Variants in MFSD8 observed in about 807,000 individuals in gnomAD.
The protein encoded by MFSD8 is major facilitator superfamily domain containing 8, also known as major facilitator superfamily domain-containing protein 8.
In MFSD8, 55 loss-of-function variants were observed where a neutral mutation model predicts 66.4. The observed-to-expected ratio is 0.83, with a 90% CI of 0.67 to 1.04. The LOEUF (loss-of-function observed/expected upper bound fraction) is 1.04, where lower values mean the gene tolerates loss of function less well. Ranked by LOEUF, MFSD8 falls within the 50% of genes least tolerant of loss-of-function variation. MFSD8 has a pLI of 0.00. For missense variants in MFSD8, 550 were observed against 627.6 expected (o/e 0.88, Z 1.32); for synonymous variants, 202 against 212.8 (o/e 0.95, Z 0.44).
chr4:127,938,853 C>T lies in MFSD8; in HGVS notation c.699-15G>A, dbSNP rs1286977705. ...CACGATGTTCTCTTAAAAAGAAAAACACAAATATTGTACCTATAAAATGCT... is the reference window on the plus strand; with the variant it reads ...CACGATGTTCTCTTAAAAAGAAAAATACAAATATTGTACCTATAAAATGCT... On this transcript the variant is annotated splice_polypyrimidine_tract_variant and intron_variant, in intron 6 of 11. Coordinates refer to ENST00000641686, the MANE Select transcript of MFSD8 (RefSeq NM_001371596.2). The T allele has an allele frequency of 2.5e-6, 4 of 1,595,768 alleles. No individual in the cohort carries two copies. Among genetic ancestry groups the T allele is most frequent in the Non-Finnish European group, 3.4e-6 (4 of 1,165,862 alleles).
At chr4:127,937,615 T>C (rs903796247) in intron 7 of MFSD8, among the ~76,000 whole-genome samples, 1 of 152,268 alleles carries the variant, frequency 6.6e-6, no homozygotes, top group Non-Finnish European at 1.5e-5. Context: ...TTAAATTTGT[T>C]ACTGGCATTG....
chr4:127,944,012 G>A lies in MFSD8; in HGVS notation c.199-20C>T. On this transcript the variant is annotated intron_variant, in intron 3 of 11. Coordinates refer to ENST00000641686, the MANE Select transcript of MFSD8 (RefSeq NM_001371596.2). The stretch of plus-strand genomic sequence containing the variant: ...ATCAATCTGCAGAAAAAGGTACAGT[G>A]CTTTAAGAATTGTTATCCAAGAAAA... 6.2e-7 allele frequency: 1 copy of A among 1,613,950 alleles called. No individual in the cohort carries two copies. Among genetic ancestry groups the A allele is most frequent in the Non-Finnish European group, 8.5e-7 (1 of 1,179,976 alleles).
chr4:127,957,272 G>T (rs1166607984), intron 2 of MFSD8, among the ~76,000 whole-genome samples: 1 of 152,114 alleles, frequency 6.6e-6, no homozygotes, highest in Non-Finnish European at 1.5e-5. Flanking sequence ...TGTTTAATGG[G>T]TATAGAGTTT....
At position 127,919,016 on chromosome 4, in the gene MFSD8, GA is replaced by G. The variant is rs1736080926; in HGVS notation, c.*1613del. 6.6e-6 allele frequency: 1 copy of G among 152,164 alleles called. No individual in the cohort carries two copies. The allele number at this position is 152,164 out of a possible 1,614,324, so 9.4% of individuals were successfully genotyped here. A position where few individuals can be genotyped will look rare whatever the true frequency, so the allele number is the denominator to read the frequency against. On this transcript the variant is annotated 3_prime_UTR_variant, in exon 12 of 12. Transcript: ENST00000641686. ...GATCCCAGACTTGACCAAATAGCCA[GA>G]ACTGGCTACGGTTCTGAGAAATCTA...
intron 1 of MFSD8, among the ~76,000 whole-genome samples, chr4:127,964,350 C>T (rs1038195613): frequency 6.6e-6 from 1 of 152,236 alleles, no homozygotes; most frequent in Non-Finnish European, 1.5e-5. Context: ...GAGGCTCAGG[C>T]ATGGCGGGCT....
intron 1 of MFSD8, among the ~76,000 whole-genome samples, chr4:127,963,700 G>A (rs1178616306): frequency 1.3e-5 from 2 of 152,182 alleles, no homozygotes; most frequent in Non-Finnish European, 2.9e-5. Flanking sequence ...AAAGCCGTAT[G>A]GTCCCAAAGA....
At chr4:127,957,656 A>C in intron 1 of MFSD8, 64 bp from the exon 2 acceptor site, 1 of 1,094,998 alleles carries the variant, frequency 9.1e-7, no homozygotes, top group Non-Finnish European at 1.4e-6. Flanking sequence ...TTAAGTGTCA[A>C]CAGTTTTATT....
intron 9 of MFSD8, among the ~76,000 whole-genome samples, chr4:127,930,136 T>C (rs1397271668): frequency 6.6e-6 from 1 of 152,118 alleles, no homozygotes; most frequent in Non-Finnish European, 1.5e-5. Flanking sequence ...AGTCCAGCTA[T>C]TCAGGAGGCT....
At chr4:127,923,084 T>C (rs1478233303) in intron 9 of MFSD8, among the ~76,000 whole-genome samples, 1 of 152,216 alleles carries the variant, frequency 6.6e-6, no homozygotes, top group East Asian at 1.9e-4. Context: ...CAGAGGCAAT[T>C]TGACTTTCTC....
intron 9 of MFSD8, among the ~76,000 whole-genome samples, chr4:127,925,060 C>T (rs1472437449): frequency 6.6e-6 from 1 of 152,052 alleles, no homozygotes; most frequent in Non-Finnish European, 1.5e-5. Context: ...TGAGACTGGG[C>T]CCCTTCTTTA....
intron 9 of MFSD8, among the ~76,000 whole-genome samples, chr4:127,928,093 G>A (rs1006026140): frequency 3.3e-5 from 5 of 151,974 alleles, no homozygotes; most frequent in Non-Finnish European, 7.4e-5. Flanking sequence ...CTGTCACCCA[G>A]GCTGGAGGGC....
intron 1 of MFSD8, among the ~76,000 whole-genome samples, chr4:127,958,746 G>A (rs1015750751): frequency 6.6e-6 from 1 of 151,762 alleles, no homozygotes; most frequent in African/African-American, 2.4e-5. Flanking sequence ...TCTAAGTTAG[G>A]GAATCAAGAA....
chr4:127,943,514 C>A (rs1239130508), intron 4 of MFSD8: 2 of 473,304 alleles, frequency 4.2e-6, no homozygotes, highest in Non-Finnish European at 7.6e-6. Flanking sequence ...GCCACCACAC[C>A]TGGTTTAAAC....
At position 127,949,859 on chromosome 4, in the gene MFSD8, C is replaced by A. The variant is rs745830552; in HGVS notation, c.155-12G>T. The A allele has an allele frequency of 1.9e-6, 3 of 1,603,740 alleles. No homozygotes were observed. Among genetic ancestry groups the A allele is most frequent in the Non-Finnish European group, 2.6e-6 (3 of 1,173,248 alleles). On this transcript the variant is annotated splice_polypyrimidine_tract_variant and intron_variant, in intron 2 of 11. Transcript: ENST00000641686. ...CACTACAGAAAACCCTGTGAAGAAG[C>A]AAACTAGGTTATTTATACTTATAAT...
intron 2 of MFSD8, among the ~76,000 whole-genome samples, chr4:127,955,071 CAAAAAATT>C (rs1353037849): frequency 3.3e-5 from 5 of 151,862 alleles, no homozygotes; most frequent in African/African-American, 9.7e-5. Flanking sequence ...GGCAATTTTC[CAAAAAATT>C]AAAAAATTAA....
intron 1 of MFSD8, among the ~76,000 whole-genome samples, chr4:127,958,825 TTTC>T (rs1743294187): frequency 6.6e-6 from 1 of 152,170 alleles, no homozygotes; most frequent in Non-Finnish European, 1.5e-5. Flanking sequence ...AGACAAAATC[TTTC>T]TTCTTTTAAT....
intron 1 of MFSD8, among the ~76,000 whole-genome samples, chr4:127,961,473 G>A (rs985847452): frequency 1.3e-5 from 2 of 152,040 alleles, no homozygotes; most frequent in African/African-American, 4.8e-5. Context: ...ACATAACTCA[G>A]GGATCCTGCA....
chr4:127,938,904 T>C lies in MFSD8; in HGVS notation c.699-66A>G, dbSNP rs1439919063. The C allele has an allele frequency of 2.4e-6, 3 of 1,265,242 alleles. No homozygotes were observed. In the East Asian group the frequency reaches 7.1e-5, roughly 30 times the overall value. 78.4% of individuals were successfully genotyped at this position (1,265,242 alleles called of 1,614,324 possible). A position where few individuals can be genotyped will look rare whatever the true frequency, so the allele number is the denominator to read the frequency against. ...TAATAGAGAAGTTGTTTAAATTTAT[T>C]ATCGGCATTGTATTTTTTTTCACAT... On this transcript the variant is annotated intron_variant, in intron 6 of 11. Transcript: ENST00000641686.
At chr4:127,957,235 G>A (rs1295848635) in intron 2 of MFSD8, among the ~76,000 whole-genome samples, 2 of 152,114 alleles carry the variant, frequency 1.3e-5, no homozygotes, top group East Asian at 1.9e-4. Context: ...AGTTTGCTAG[G>A]GCTTGGGGGA....
Sources: allele counts gnomAD v4.1 joint callset (sites outside exome capture counted in the v4.1 genomes callset), GRCh38; gene constraint gnomAD v4.1.1; transcripts MANE v1.5; gene names NCBI Gene and HGNC (gene_info 2026-07-23, HGNC 2026-07-21).